KATNAL1: variants seen among roughly 807,000 people sequenced by gnomAD.
KATNAL1 encodes the protein katanin catalytic subunit A1 like 1.
In KATNAL1, 32 loss-of-function variants were observed where a neutral mutation model predicts 55.2. The observed-to-expected ratio is 0.58, with a 90% CI of 0.44 to 0.78. The LOEUF (loss-of-function observed/expected upper bound fraction) is 0.78. Ranked by LOEUF, KATNAL1 falls within the 30% of genes least tolerant of loss-of-function variation. KATNAL1 has a pLI of 0.00. For missense variants in KATNAL1, 466 were observed against 600.9 expected (o/e 0.78, Z 2.35); for synonymous variants, 193 against 193.6 (o/e 1.00, Z 0.02).
chr13:30,241,198 T>TA, intron 4 of KATNAL1, 112 bp from the exon 5 acceptor site: 1 of 1,009,430 alleles, frequency 9.9e-7, no homozygotes, highest in South Asian at 1.5e-5. Flanking sequence ...TTTTATTATT[T>TA]TAAGGTAGTA....
rs562399832 is a variant in KATNAL1 at position 30,215,166 on chromosome 13, T to C, written c.1148-4724A>G. On this transcript the variant is annotated intron_variant, in intron 9 of 10. Transcript: ENST00000380615. ...GACATTTATGCAGCCAAAAAACACATGAAAAAAATGCTCATCATCACTGGC... is the reference window on the plus strand; with the variant it reads ...GACATTTATGCAGCCAAAAAACACACGAAAAAAATGCTCATCATCACTGGC... Among the ~76,000 whole-genome samples, 811 of 151,218 alleles carry C rather than the reference T, an allele frequency of 5.4e-3. 3 individuals carry two copies. The highest frequency in any genetic ancestry group is 0.037 in the Middle Eastern group (11 of 294).
chr13:30,259,852 G>A (rs1191455888), intron 3 of KATNAL1, among the ~76,000 whole-genome samples: 1 of 152,224 alleles, frequency 6.6e-6, no homozygotes, highest in Non-Finnish European at 1.5e-5. Context: ...CGGGAAGCTC[G>A]AACTGGGTGG....
At chr13:30,230,398 C>A (rs1309431959) in intron 8 of KATNAL1, 70 bp downstream of exon 8, 26 of 1,388,244 alleles carry the variant, frequency 1.9e-5, no homozygotes, top group Non-Finnish European at 2.5e-5. Context: ...TCTAATCCAT[C>A]CATTGATTAT....
chr13:30,300,283 C>T (rs1042908161), intron 1 of KATNAL1, among the ~76,000 whole-genome samples: 3 of 152,166 alleles, frequency 2.0e-5, no homozygotes, highest in Admixed American at 1.3e-4. Flanking sequence ...CTGCTTTAAA[C>T]TATTTTTATT....
intron 3 of KATNAL1, among the ~76,000 whole-genome samples, chr13:30,256,470 C>A (rs189917928): frequency 1.3e-5 from 2 of 152,074 alleles, no homozygotes; most frequent in Non-Finnish European, 2.9e-5. Context: ...CTTTCTATAG[C>A]TATGTATGTA....
chr13:30,294,982 C>A (rs1239956932), intron 1 of KATNAL1, among the ~76,000 whole-genome samples: 1 of 152,138 alleles, frequency 6.6e-6, no homozygotes, highest in East Asian at 1.9e-4. Flanking sequence ...AGAGCTATGG[C>A]TCAGAAAAAA....
chr13:30,291,372 A>C (rs1882121200), intron 1 of KATNAL1, among the ~76,000 whole-genome samples: 1 of 152,248 alleles, frequency 6.6e-6, no homozygotes, highest in South Asian at 2.1e-4. Flanking sequence ...AATATGTGCA[A>C]GATCTGTAAC....
intron 1 of KATNAL1, among the ~76,000 whole-genome samples, chr13:30,301,231 G>A (rs138286109): frequency 3.8e-3 from 580 of 152,256 alleles, no homozygotes; most frequent in Non-Finnish European, 6.3e-3. Flanking sequence ...TTAGCGGGGC[G>A]TGGTAGCGAG....
intron 3 of KATNAL1, among the ~76,000 whole-genome samples, chr13:30,259,729 C>T (rs578146699): frequency 3.9e-5 from 6 of 152,302 alleles, no homozygotes; most frequent in African/African-American, 1.2e-4. Context: ...CCTATGCCCA[C>T]GGAGTCTTGC....
intron 3 of KATNAL1, among the ~76,000 whole-genome samples, chr13:30,270,929 A>T (rs1880302860): frequency 7.2e-6 from 1 of 138,724 alleles, no homozygotes; most frequent in African/African-American, 3.1e-5. Flanking sequence ...TAATAAAATA[A>T]AAAAAAAAAA....
chr13:30,234,571 C>T (rs1319814079), intron 6 of KATNAL1, among the ~76,000 whole-genome samples: 1 of 152,106 alleles, frequency 6.6e-6, no homozygotes, highest in Non-Finnish European at 1.5e-5. Flanking sequence ...CTTTATATTC[C>T]CAAAGCAATT....
At chr13:30,262,728 T>C (rs1398162445) in intron 3 of KATNAL1, among the ~76,000 whole-genome samples, 2 of 151,600 alleles carry the variant, frequency 1.3e-5, no homozygotes, top group Non-Finnish European at 2.9e-5. Flanking sequence ...CAATAATCAA[T>C]AGCTTACCAA....
chr13:30,283,858 T>A, intron 1 of KATNAL1, 67 bp from the exon 2 acceptor site: 1 of 1,092,426 alleles, frequency 9.2e-7, no homozygotes, highest in Non-Finnish European at 1.3e-6. Context: ...TATTATTCTT[T>A]AAAATATGTT....
rs1306592896 is a variant in KATNAL1, at chr13:30,260,827, T to A, written c.324-5212A>T. Among the ~76,000 whole-genome samples the A allele has an allele frequency of 1.4e-5, 2 of 147,562 alleles. 1 individual carries two copies. The highest frequency in any genetic ancestry group is 3.0e-5 in the Non-Finnish European group (2 of 65,668). On this transcript the variant is annotated intron_variant, in intron 3 of 10. Transcript: ENST00000380615. ...ATCATCCAGGAGAACTTCCCCAATC[T>A]AGCAAGGCAGGCCAACATACAGATT...
chr13:30,281,824 T>C (rs1279381496), intron 2 of KATNAL1: 1 of 152,226 alleles, frequency 6.6e-6, no homozygotes, highest in East Asian at 1.9e-4. Flanking sequence ...ACCAGCATGT[T>C]CCCTGCACGA....
intron 9 of KATNAL1, among the ~76,000 whole-genome samples, chr13:30,216,345 C>T (rs1874227370): frequency 6.6e-6 from 1 of 152,144 alleles, no homozygotes; most frequent in African/African-American, 2.4e-5. Flanking sequence ...TGCTGAGTTC[C>T]AGGGAGGCTC....
At chr13:30,259,378 C>T (rs935901617) in intron 3 of KATNAL1, among the ~76,000 whole-genome samples, 1 of 151,804 alleles carries the variant, frequency 6.6e-6, no homozygotes, top group African/African-American at 2.4e-5. Flanking sequence ...GCCAAGATGG[C>T]CCAATAGGAA....
At chr13:30,269,958 C>T (rs1274065788) in intron 3 of KATNAL1, among the ~76,000 whole-genome samples, 5 of 150,468 alleles carry the variant, frequency 3.3e-5, no homozygotes, top group Non-Finnish European at 5.9e-5. Context: ...CACCTCTGCC[C>T]GGCCACCCCT....
At chr13:30,288,408 A>G (rs774734981) in intron 1 of KATNAL1, among the ~76,000 whole-genome samples, 7 of 152,210 alleles carry the variant, frequency 4.6e-5, no homozygotes, top group Non-Finnish European at 7.4e-5. Context: ...TGCTGCTGAA[A>G]CTGTAGTTTG....
Sources: gnomAD v4.1 joint callset for allele counts (sites outside exome capture counted in the v4.1 genomes callset) on GRCh38, gnomAD v4.1.1 for gene constraint, MANE v1.5 for transcripts, NCBI Gene and HGNC (gene_info 2026-07-23, HGNC 2026-07-21) for gene names.